The following ATF7 variants were observed in gnomAD, a reference collection of about 807,000 sequenced individuals.
ATF7 encodes cyclic AMP-dependent transcription factor ATF-7.
ATF7 carries 10 observed loss-of-function variants against 50.4 expected under a neutral mutation model. The observed-to-expected ratio is 0.20, with a 90% CI of 0.12 to 0.34. The LOEUF is 0.34. ATF7 is among the 10% of genes least tolerant of loss of function. The pLI is 1.00. For synonymous variants in ATF7, 201 were observed against 226.4 expected (o/e 0.89, Z 1.01); for missense variants, 465 against 613.9 (o/e 0.76, Z 2.56).
At position 53,512,875 on chromosome 12, in the gene ATF7, T is replaced by C. The variant is rs1473058507; in HGVS notation, c.*4262A>G. 1 of 152,210 alleles carries C rather than the reference T, an allele frequency of 6.6e-6. No individual in the cohort carries two copies. The highest frequency in any genetic ancestry group is 1.9e-4 in the East Asian group (1 of 5,198). The allele number at this position is 152,210 out of a possible 1,614,324, so 9.4% of individuals were successfully genotyped here. ...TATCCCTAAGAAATGGTTCTCAACC[T>C]TTAGTGTGCATTAGAATCACTTGGA... On this transcript the variant is annotated 3_prime_UTR_variant, in exon 12 of 12. Transcript: ENST00000420353.
intron 2 of ATF7, among the ~76,000 whole-genome samples, chr12:53,579,333 GACCA>G (rs1262176035): frequency 6.6e-6 from 1 of 152,128 alleles, no homozygotes; most frequent in Non-Finnish European, 1.5e-5. Flanking sequence ...AGGAGTTCAA[GACCA>G]GCCTGGCCAA....
intron 1 of ATF7, among the ~76,000 whole-genome samples, chr12:53,606,921 C>T (rs1408947864): frequency 6.6e-6 from 1 of 152,020 alleles, no homozygotes; most frequent in Non-Finnish European, 1.5e-5. Flanking sequence ...CATAGTATTC[C>T]ATGGTGTATA....
intron 2 of ATF7, among the ~76,000 whole-genome samples, chr12:53,556,611 A>G (rs1167951434): frequency 6.6e-6 from 1 of 152,202 alleles, no homozygotes; most frequent in Non-Finnish European, 1.5e-5. Context: ...AAAACAACGA[A>G]AAAAACCAAA....
intron 2 of ATF7, among the ~76,000 whole-genome samples, chr12:53,585,925 G>C (rs183794429): frequency 1.3e-5 from 2 of 152,224 alleles, no homozygotes; most frequent in South Asian, 2.1e-4. Flanking sequence ...AGGACTATGG[G>C]AATAGCCAAC....
At chr12:53,565,436 C>G (rs954976829) in intron 2 of ATF7, among the ~76,000 whole-genome samples, 6 of 124,032 alleles carry the variant, frequency 4.8e-5, no homozygotes, top group African/African-American at 1.8e-4. Flanking sequence ...CATAGTCAAG[C>G]AGAAAGTATA....
At chr12:53,522,620 C>A (rs975327356) in intron 11 of ATF7, 1 of 151,838 alleles carries the variant, frequency 6.6e-6, no homozygotes, top group African/African-American at 2.4e-5. Context: ...GTAATCCCAG[C>A]ACTTTGGGAG....
intron 8 of ATF7, 144 bp downstream of exon 8, chr12:53,532,366 T>G (rs1377139764): frequency 3.2e-6 from 2 of 633,808 alleles, no homozygotes; most frequent in African/African-American, 1.8e-5. Flanking sequence ...TTGGAGTCTT[T>G]TCTTTTCCAG....
At chr12:53,587,636 A>C (rs1288435882) in intron 2 of ATF7, among the ~76,000 whole-genome samples, 17 of 147,944 alleles carry the variant, frequency 1.1e-4, no homozygotes, top group Non-Finnish European at 2.4e-4. Context: ...GCACCACTGT[A>C]CTCCAGTGCA....
intron 5 of ATF7, among the ~76,000 whole-genome samples, chr12:53,535,129 A>T (rs1316602611): frequency 6.6e-6 from 1 of 152,126 alleles, no homozygotes; most frequent in Non-Finnish European, 1.5e-5. Flanking sequence ...TAATGATCAT[A>T]CTGTAATAAA....
chr12:53,587,050 T>TA (rs1942715928), intron 2 of ATF7, among the ~76,000 whole-genome samples: 1 of 152,140 alleles, frequency 6.6e-6, no homozygotes, highest in African/African-American at 2.4e-5. Flanking sequence ...GGTTCACAGA[T>TA]ATACAATGAA....
At chr12:53,567,556 C>T (rs371157807) in intron 2 of ATF7, among the ~76,000 whole-genome samples, 1 of 152,338 alleles carries the variant, frequency 6.6e-6, no homozygotes, top group East Asian at 1.9e-4. Flanking sequence ...AGGATAGATC[C>T]ATTATCTTTC....
At chr12:53,583,985 A>G (rs1047312253) in intron 2 of ATF7, among the ~76,000 whole-genome samples, 2 of 152,136 alleles carry the variant, frequency 1.3e-5, no homozygotes, top group African/African-American at 4.8e-5. Flanking sequence ...AATTGTTATT[A>G]GTATTATTTT....
intron 2 of ATF7, among the ~76,000 whole-genome samples, chr12:53,576,924 C>T (rs1942103072): frequency 2.6e-5 from 4 of 152,002 alleles, no homozygotes; most frequent in South Asian, 2.1e-4. Context: ...GGCATGGTTG[C>T]GCAAGACTGT....
At chr12:53,525,823 A>C (rs1278642969) in intron 9 of ATF7, among the ~76,000 whole-genome samples, 1 of 152,196 alleles carries the variant, frequency 6.6e-6, no homozygotes, top group Non-Finnish European at 1.5e-5. Context: ...ATTTCTTAAA[A>C]TGTAGAAAGG....
At chr12:53,592,291 A>G (rs1298386362) in intron 2 of ATF7, among the ~76,000 whole-genome samples, 1 of 152,234 alleles carries the variant, frequency 6.6e-6, no homozygotes, top group Non-Finnish European at 1.5e-5. Flanking sequence ...TTTCGAAGTA[A>G]AAACACAAAG....
intron 1 of ATF7, among the ~76,000 whole-genome samples, chr12:53,618,446 C>T (rs531658401): frequency 8.5e-5 from 13 of 152,080 alleles, no homozygotes; most frequent in East Asian, 5.8e-4. Context: ...TTTTTAAAAA[C>T]GAAAGTAAAA....
chr12:53,517,196 T>C lies in ATF7; in HGVS notation c.1393A>G (p.Ser465Gly), dbSNP rs1937759870. 6.2e-7 allele frequency: 1 copy of C among 1,614,004 alleles called. No individual in the cohort carries two copies. The highest frequency in any genetic ancestry group is 8.5e-7 in the Non-Finnish European group (1 of 1,179,888). The change falls in exon 12 of 12, where the codon AGC (serine) becomes GGC (glycine). Residue 465 changes from serine (S) to glycine (G), a missense_variant. Coordinates refer to ENST00000420353, the MANE Select transcript of ATF7 (RefSeq NM_006856.3). ...ATTACATGCGATTGTATCGGCATGC[T>C]CAGTTCTGTCCTTTGGCTGGCCATC... is the stretch of plus-strand genomic sequence containing the variant. Reference protein sequence around the residue: ...TQMASQRTELSMPIQSHVIMT... With the variant: ...TQMASQRTELGMPIQSHVIMT...
intron 11 of ATF7, chr12:53,517,674 C>A (rs539204483): frequency 5.6e-4 from 182 of 327,828 alleles, no homozygotes; most frequent in Admixed American, 1.9e-3. Flanking sequence ...TTCATTACTT[C>A]TATTCTTTCT....
chr12:53,541,412 GACCAATA>G (rs1939544131), intron 4 of ATF7, among the ~76,000 whole-genome samples: 1 of 152,110 alleles, frequency 6.6e-6, no homozygotes. Context: ...TAAAAATAGT[GACCAATA>G]ACCTAGAATT....
Sources: allele counts gnomAD v4.1 joint callset (sites outside exome capture counted in the v4.1 genomes callset), GRCh38; gene constraint gnomAD v4.1.1; transcripts MANE v1.5; gene names NCBI Gene and HGNC (gene_info 2026-07-23, HGNC 2026-07-21).